The following ECE1 variants were observed in gnomAD, a reference collection of about 807,000 sequenced individuals.
ECE1 encodes endothelin converting enzyme 1, also known as endothelin-converting enzyme 1.
Under a neutral mutation model 98.6 loss-of-function variants are expected in ECE1, and 35 were observed. The observed-to-expected ratio is 0.35, with a 90% CI of 0.27 to 0.47. The LOEUF is 0.47. Among genes scored for constraint, ECE1 ranks in the 20% least tolerant of loss-of-function variants. ECE1 has a pLI of 1.00. For synonymous variants in ECE1, 394 were observed against 407.1 expected (o/e 0.97, Z 0.39); for missense variants, 814 against 1,025.3 (o/e 0.79, Z 2.81).
intron 4 of ECE1, chr1:21,266,094 C>T (rs1375123114): frequency 2.6e-5 from 4 of 152,260 alleles, no homozygotes; most frequent in Admixed American, 2.6e-4. Context: ...CCACATCACT[C>T]CTCAGGGAGG....
chr1:21,344,740 T>C (rs1639464594), intron 1 of ECE1, among the ~76,000 whole-genome samples: 1 of 152,204 alleles, frequency 6.6e-6, no homozygotes, highest in African/African-American at 2.4e-5. Flanking sequence ...CACCGGGAGA[T>C]GCTGGGGAGA....
At chr1:21,298,920 A>G (rs1408588802) in intron 1 of ECE1, 6 of 455,862 alleles carry the variant, frequency 1.3e-5, no homozygotes, top group Non-Finnish European at 2.2e-5. Context: ...GCAGACCAGA[A>G]AGCAGCTGGT....
At chr1:21,297,844 T>TG (rs1183046336) in intron 1 of ECE1, among the ~76,000 whole-genome samples, 10 of 149,194 alleles carry the variant, frequency 6.7e-5, no homozygotes, top group African/African-American at 1.7e-4. Context: ...TTGTTGTTGT[T>TG]TTTTTTTTTA....
intron 1 of ECE1, among the ~76,000 whole-genome samples, chr1:21,302,010 C>T (rs1281335390): frequency 1.3e-5 from 2 of 152,140 alleles, no homozygotes; most frequent in Non-Finnish European, 2.9e-5. Flanking sequence ...CCTTCCAGGC[C>T]AGGCTCACTA....
intron 1 of ECE1, among the ~76,000 whole-genome samples, chr1:21,309,320 A>G (rs994417362): frequency 2.6e-5 from 4 of 152,226 alleles, no homozygotes; most frequent in Admixed American, 2.0e-4. Context: ...TCATTTACCA[A>G]CTGTGACCTT....
At position 21,344,580 on chromosome 1, in the gene ECE1, C is replaced by G. The variant is rs185635973; in HGVS notation, c.3+796G>C. On this transcript the variant is annotated intron_variant, in intron 1 of 18. Transcript: ENST00000415912. ...CAATGCCCCTCCCAACAGCCCCCCC[C>G]CAGGAAGCCCAGCCTGGATCAAATG... Among the ~76,000 whole-genome samples, 348 of 152,234 alleles carry G rather than the reference C, an allele frequency of 2.3e-3. 1 individual carries two copies. The highest frequency in any genetic ancestry group is 8.1e-3 in the African/African-American group (337 of 41,518).
rs1442794168 is a variant in ECE1, at chr1:21,220,047, C to T, written c.2221G>A (p.Gly741Ser). 6 of 1,614,058 alleles carry T rather than the reference C, an allele frequency of 3.7e-6. No homozygotes were observed. The highest frequency in any genetic ancestry group is 4.2e-6 in the Non-Finnish European group (5 of 1,180,026). ...PHSPSRFRVI[G>S]SLSNSKEFSE... ...AACTCCTTGGAATTGGAGAGGGAGC[C>T]GATGACCCGGAAGCGAGAGGGGCTG... Residue 741 changes from glycine to serine, a missense_variant, in exon 19 of 19, where the codon GGC becomes AGC. Around this residue, in one of 3 missense-constraint regions of ECE1, gnomAD observed 452 missense variants for 567.3 expected, o/e 0.80. Coordinates refer to ENST00000374893, the MANE Select transcript of ECE1 (RefSeq NM_001397.3). The surrounding 1 kb of genome is among the most constrained non-coding windows in gnomAD (Gnocchi z 5.0).
rs1379066621 is a variant in ECE1 at position 21,233,840 on chromosome 1, A to T, written c.1567-179T>A. ...GCCTTCACCCTGGGGCACGAGATGG[A>T]ATGACACCGTTGCAGGATGTGCCTA... On this transcript the variant is annotated intron_variant, in intron 13 of 18. Coordinates refer to ENST00000374893, the MANE Select transcript of ECE1 (RefSeq NM_001397.3). This position sits in a 1 kb window ranked among gnomAD's most constrained non-coding sequence, Gnocchi z 4.0. Among the ~76,000 whole-genome samples the T allele has an allele frequency of 2.0e-5, 3 of 152,038 alleles. No individual in the cohort carries two copies. Among genetic ancestry groups the T allele is most frequent in the East Asian group, 3.9e-4 (2 of 5,182 alleles).
Position 21,290,116 on chromosome 1 carries a change from A to G in ECE1, c.92T>C (p.Leu31Pro), listed in dbSNP as rs1312273691. 5.8e-6 allele frequency: 9 copies of G among 1,557,616 alleles called. No individual in the cohort carries two copies. Among genetic ancestry groups the G allele is most frequent in the Non-Finnish European group, 7.8e-6 (9 of 1,152,830 alleles). ...YKRATLDEED[L>P]VDSLSEGDAY... ...GTCGCCCTCGGAGAGCGAGTCCACCAGGTCCTCCTCGTCCAGCGTGGCCCG... is the reference window on the plus strand; with the variant it reads ...GTCGCCCTCGGAGAGCGAGTCCACCGGGTCCTCCTCGTCCAGCGTGGCCCG... The change falls in exon 2 of 19, where the codon CTG becomes CCG. Residue 31 changes from leucine to proline, a missense_variant. Leu to Pro is a moderately conservative substitution (Grantham distance 98). Coordinates refer to ENST00000374893, the MANE Select transcript of ECE1 (RefSeq NM_001397.3). This position sits in a 1 kb window ranked among gnomAD's most constrained non-coding sequence, Gnocchi z 7.3.
chr1:21,321,879 G>A (rs541618950), intron 1 of ECE1, among the ~76,000 whole-genome samples: 1 of 152,294 alleles, frequency 6.6e-6, no homozygotes, highest in African/African-American at 2.4e-5. Flanking sequence ...GCCTCCCAAA[G>A]TGCTGGGATT....
rs187647347 is a variant in ECE1 at position 21,260,988 on chromosome 1, C to A, written c.494-596G>T. Among the ~76,000 whole-genome samples the A allele has an allele frequency of 5.3e-5, 8 of 152,324 alleles. No individual in the cohort carries two copies. Among genetic ancestry groups the A allele is most frequent in the South Asian group, 2.1e-4 (1 of 4,824 alleles). ...TCCTGCAGTGGCTTCTCAGACCTTACCCCAGACACCCGGAGATTCTGTTCC... is the reference window on the plus strand; with the variant it reads ...TCCTGCAGTGGCTTCTCAGACCTTAACCCAGACACCCGGAGATTCTGTTCC... On this transcript the variant is annotated intron_variant, in intron 4 of 18. Transcript: ENST00000374893. The surrounding 1 kb of genome is among the most constrained non-coding windows in gnomAD (Gnocchi z 4.3).
chr1:21,286,491 G>A (rs2098260675), intron 2 of ECE1, among the ~76,000 whole-genome samples: 2 of 152,316 alleles, frequency 1.3e-5, no homozygotes, highest in South Asian at 2.1e-4. Flanking sequence ...AGAAAGCTGT[G>A]GAAGTGAGTT....
chr1:21,296,354 TA>T (rs904395749), intron 1 of ECE1, among the ~76,000 whole-genome samples: 1 of 149,482 alleles, frequency 6.7e-6, no homozygotes, highest in Non-Finnish European at 1.5e-5. Flanking sequence ...ACAAAAAATT[TA>T]AAAAAAAAAT....
chr1:21,297,530 CTTT>C (rs768958507), intron 1 of ECE1, among the ~76,000 whole-genome samples: 11 of 116,180 alleles, frequency 9.5e-5, no homozygotes, highest in African/African-American at 2.9e-4. Flanking sequence ...TTTTCTTTTT[CTTT>C]TTTTTTTTTT....
chr1:21,311,894 C>A (rs546539951), intron 1 of ECE1, among the ~76,000 whole-genome samples: 1 of 151,884 alleles, frequency 6.6e-6, no homozygotes, highest in Non-Finnish European at 1.5e-5. Flanking sequence ...GAGGCTGAGG[C>A]GGGCAGATCA....
chr1:21,305,432 A>G (rs1638574806), intron 1 of ECE1, among the ~76,000 whole-genome samples: 1 of 152,230 alleles, frequency 6.6e-6, no homozygotes, highest in African/African-American at 2.4e-5. Flanking sequence ...CGACAACTGT[A>G]AATGTTCCAG....
Position 21,260,614 on chromosome 1 carries a change from A to G in ECE1, c.494-222T>C, listed in dbSNP as rs1456938210. On this transcript the variant is annotated intron_variant, in intron 4 of 18. Coordinates refer to ENST00000374893, the MANE Select transcript of ECE1 (RefSeq NM_001397.3). The surrounding 1 kb of genome is among the most constrained non-coding windows in gnomAD (Gnocchi z 4.3). ...GCTCCCGAAATTTTGCTGACTGCAAAGAAAAAGAATCGACCACGTTTCTCT... is the reference window on the plus strand; with the variant it reads ...GCTCCCGAAATTTTGCTGACTGCAAGGAAAAAGAATCGACCACGTTTCTCT... Among the ~76,000 whole-genome samples the G allele has an allele frequency of 6.6e-6, 1 of 152,178 alleles. No individual in the cohort carries two copies. Among genetic ancestry groups the G allele is most frequent in the East Asian group, 1.9e-4 (1 of 5,190 alleles).
chr1:21,316,908 G>C (rs969987478), intron 1 of ECE1, among the ~76,000 whole-genome samples: 6 of 152,122 alleles, frequency 3.9e-5, no homozygotes, highest in African/African-American at 1.4e-4. Flanking sequence ...GCAGAATCAG[G>C]CTGCGCTTGG....
At chr1:21,251,179 AG>A (rs1421716904) in intron 8 of ECE1, among the ~76,000 whole-genome samples, 1 of 151,984 alleles carries the variant, frequency 6.6e-6, no homozygotes, top group East Asian at 1.9e-4. Context: ...TGAATTTGTG[AG>A]GAGGGCAGGT....
Sources: gnomAD v4.1 joint callset for allele counts (sites outside exome capture counted in the v4.1 genomes callset) on GRCh38, gnomAD v4.1.1 for gene constraint, gnomAD v4.1.1 regional missense constraint, Gnocchi (gnomAD v3.1) non-coding constraint, MANE v1.5 for transcripts, NCBI Gene and HGNC (gene_info 2026-07-23, HGNC 2026-07-21) for gene names.